CNBD2: variants seen among roughly 807,000 people sequenced by gnomAD.
The protein encoded by CNBD2 is cyclic nucleotide-binding domain-containing protein 2.
CNBD2 carries 64 observed loss-of-function variants against 63.7 expected under a neutral mutation model. The ratio of observed to expected loss-of-function variants is 1.00; its 90% CI spans 0.82 to 1.24. The LOEUF (loss-of-function observed/expected upper bound fraction) is 1.24. Ranked by LOEUF, CNBD2 falls within the 50% of genes most tolerant of loss-of-function variation. The pLI, the probability that CNBD2 is intolerant of heterozygous loss-of-function variation, is 0.00. For missense variants in CNBD2, 691 were observed against 713.5 expected, an observed-to-expected ratio of 0.97 and a Z score of 0.36; for synonymous variants, 229 against 255.4, an observed-to-expected ratio of 0.90 and a Z score of 0.99.
downstream of CNBD2, among the ~76,000 whole-genome samples, chr20:35,958,035 G>A (rs1022743494): frequency 2.0e-5 from 3 of 152,236 alleles, no homozygotes; most frequent in Admixed American, 2.0e-4. Flanking sequence ...AGAGACCTCA[G>A]TGCCTTTTGA....
chr20:35,971,041 G>A (rs899583417), intron 1 of CNBD2, among the ~76,000 whole-genome samples: 8 of 147,564 alleles, frequency 5.4e-5, no homozygotes, highest in Admixed American at 2.7e-4. Flanking sequence ...TCCGCCTCCC[G>A]GGTTCACGCC....
chr20:35,986,764 T>C (rs111343613), intron 6 of CNBD2, among the ~76,000 whole-genome samples: 3 of 152,282 alleles, frequency 2.0e-5, no homozygotes, highest in African/African-American at 7.2e-5. Context: ...TCTGAGATGA[T>C]TGTTGGCAGC....
chr20:36,008,971 T>G (rs2057021584), intron 9 of CNBD2, among the ~76,000 whole-genome samples: 1 of 151,948 alleles, frequency 6.6e-6, no homozygotes, highest in Non-Finnish European at 1.5e-5. Flanking sequence ...TAATAGCATC[T>G]AACTCTTGGG....
intron 8 of CNBD2, among the ~76,000 whole-genome samples, chr20:35,996,707 T>C (rs2056830740): frequency 6.6e-6 from 1 of 151,984 alleles, no homozygotes; most frequent in Admixed American, 6.6e-5. Context: ...GGGATTTCAC[T>C]GTGTTGGCCA....
At chr20:35,987,888 A>G (rs1330973872) in intron 7 of CNBD2, among the ~76,000 whole-genome samples, 3 of 146,222 alleles carry the variant, frequency 2.1e-5, no homozygotes, top group Non-Finnish European at 4.5e-5. Context: ...TTATTTTGAG[A>G]CAAGAGTCTC....
At chr20:36,007,053 G>T (rs2056994529) in intron 8 of CNBD2, among the ~76,000 whole-genome samples, 1 of 152,072 alleles carries the variant, frequency 6.6e-6, no homozygotes, top group Non-Finnish European at 1.5e-5. Context: ...GCTGGGCGTG[G>T]TGGTGGGCGC....
At chr20:35,954,481 C>T (rs901140881), upstream of CNBD2, 14 of 1,546,086 alleles carry the variant, frequency 9.1e-6, no homozygotes, top group African/African-American at 1.8e-4. Context: ...CAGCCGGAAG[C>T]GAAAGTCTCT....
intron 7 of CNBD2, among the ~76,000 whole-genome samples, chr20:35,994,128 C>T (rs1204661037): frequency 3.4e-5 from 5 of 148,866 alleles, no homozygotes; most frequent in Admixed American, 6.7e-5. Flanking sequence ...TGCAATGATG[C>T]GATCTTGGCT....
chr20:35,973,992 C>T (rs2056462589), intron 2 of CNBD2: 1 of 152,144 alleles, frequency 6.6e-6, no homozygotes, highest in South Asian at 2.1e-4. Flanking sequence ...AGAAATTTCC[C>T]TAAAGGGCTT....
intron 2 of CNBD2, 141 bp downstream of exon 2, chr20:35,972,907 G>T: frequency 1.4e-6 from 1 of 735,228 alleles, no homozygotes; most frequent in Non-Finnish European, 2.2e-6. Flanking sequence ...TTTTATTAAT[G>T]GCCATACTTC....
Position 35,980,835 on chromosome 20 carries a change from T to C in CNBD2, c.407+213T>C, listed in dbSNP as rs377035736. On this transcript the variant is annotated intron_variant, in intron 4 of 11. Transcript: ENST00000373973. ...GACTCTTAATTAAAGGGCCATTAAA[T>C]CTGGAGAGGATCTAGTAGAAACCTC... Among the ~76,000 whole-genome samples the C allele has an allele frequency of 2.6e-5, 4 of 152,196 alleles. No homozygotes were observed. In the East Asian group the frequency reaches 7.7e-4, roughly 29 times the overall value.
intron 10 of CNBD2, among the ~76,000 whole-genome samples, chr20:36,012,156 C>T (rs193151525): frequency 6.6e-6 from 1 of 152,210 alleles, no homozygotes; most frequent in African/African-American, 2.4e-5. Context: ...AAAAATTAGC[C>T]AGGCATGGTG....
downstream of CNBD2, among the ~76,000 whole-genome samples, chr20:35,959,685 C>G (rs190470484): frequency 3.9e-3 from 589 of 152,242 alleles, 3 homozygotes; most frequent in African/African-American, 0.014. Flanking sequence ...GCGGATACAG[C>G]CAAACCATAT....
chr20:36,025,874 C>A (rs1216305101), intron 11 of CNBD2, among the ~76,000 whole-genome samples: 1 of 151,414 alleles, frequency 6.6e-6, no homozygotes, highest in African/African-American at 2.4e-5. Flanking sequence ...TTATTATATC[C>A]ACATATAATA....
intron 2 of CNBD2, among the ~76,000 whole-genome samples, 173 bp from the exon 3 acceptor site, chr20:35,975,776 G>A (rs984533264): frequency 2.0e-5 from 3 of 151,936 alleles, no homozygotes; most frequent in Admixed American, 6.6e-5. Context: ...CCCAAGCCTA[G>A]TGCTGAGTTG....
chr20:35,966,272 C>A (rs1437512784), upstream of CNBD2, among the ~76,000 whole-genome samples: 1 of 152,106 alleles, frequency 6.6e-6, no homozygotes, highest in Non-Finnish European at 1.5e-5. Flanking sequence ...GGGGAAAAAC[C>A]AGTTTTGTCC....
upstream of CNBD2, among the ~76,000 whole-genome samples, chr20:35,967,165 C>T (rs2056352300): frequency 6.6e-6 from 1 of 151,780 alleles, no homozygotes; most frequent in African/African-American, 2.4e-5. Context: ...AGATAAGGCA[C>T]CAAAGTGAGT....
chr20:36,028,547 G>C (rs986400169), intron 11 of CNBD2, among the ~76,000 whole-genome samples: 11 of 152,162 alleles, frequency 7.2e-5, no homozygotes, highest in Admixed American at 4.6e-4. Context: ...CGGCCCATGT[G>C]GGGTAGAATG....
At chr20:35,973,065 C>T (rs972957728) in intron 2 of CNBD2, 3 of 486,658 alleles carry the variant, frequency 6.2e-6, no homozygotes, top group African/African-American at 1.9e-5. Flanking sequence ...AAACTCATGG[C>T]AGGGAAAGGT....
Sources: gnomAD v4.1 joint callset for allele counts (sites outside exome capture counted in the v4.1 genomes callset) on GRCh38, gnomAD v4.1.1 for gene constraint, MANE v1.5 for transcripts, NCBI Gene and HGNC (gene_info 2026-07-23, HGNC 2026-07-21) for gene names.